Variants in STEAP1B observed in about 807,000 individuals in gnomAD.
STEAP1B encodes the protein STEAP family protein MGC87042.
STEAP1B carries 13 observed loss-of-function variants against 27.9 expected under a neutral mutation model. The ratio of observed to expected loss-of-function variants is 0.47; its 90% CI spans 0.30 to 0.74. The LOEUF (loss-of-function observed/expected upper bound fraction) is 0.74. Among genes scored for constraint, STEAP1B ranks in the 30% least tolerant of loss-of-function variants. The probability of loss-of-function intolerance (pLI) is 0.06; values close to 1 mark genes in which losing one functional copy is unlikely to be tolerated. For synonymous variants in STEAP1B, 86 were observed against 107.1 expected, an observed-to-expected ratio of 0.80 and a Z score of 1.22; for missense variants, 250 against 298.7, an observed-to-expected ratio of 0.84 and a Z score of 1.20.
chr7:22,427,102 A>G (rs1358689002), intron 4 of STEAP1B, among the ~76,000 whole-genome samples: 2 of 152,244 alleles, frequency 1.3e-5, no homozygotes, highest in Non-Finnish European at 2.9e-5. Flanking sequence ...AGGGTCACAG[A>G]GACAGCAGAG....
At chr7:22,497,974 T>C (rs1471280789) in intron 1 of STEAP1B, among the ~76,000 whole-genome samples, 1 of 152,138 alleles carries the variant, frequency 6.6e-6, no homozygotes, top group African/African-American at 2.4e-5. Context: ...GTGAAACTGT[T>C]CCACCTCAGA....
At chr7:22,448,219 T>G (rs532489702) in intron 4 of STEAP1B, among the ~76,000 whole-genome samples, 5 of 152,346 alleles carry the variant, frequency 3.3e-5, no homozygotes, top group African/African-American at 1.2e-4. Context: ...TGCAAAGATG[T>G]AATTATGGCA....
intron 4 of STEAP1B, among the ~76,000 whole-genome samples, chr7:22,431,724 A>G (rs1785190294): frequency 6.6e-6 from 1 of 152,226 alleles, no homozygotes; most frequent in Admixed American, 6.5e-5. Context: ...CAGAGGGTGG[A>G]GAGAAAACTG....
At chr7:22,497,639 A>G (rs192889386) in intron 1 of STEAP1B, among the ~76,000 whole-genome samples, 507 of 152,340 alleles carry the variant, frequency 3.3e-3, no homozygotes, top group African/African-American at 0.012. Context: ...ATGACACTCT[A>G]TCTCCTTAAC....
chr7:22,479,100 A>C (rs1004616749), intron 4 of STEAP1B, among the ~76,000 whole-genome samples: 7 of 152,208 alleles, frequency 4.6e-5, no homozygotes, highest in Non-Finnish European at 7.3e-5. Flanking sequence ...GATTTCAAGA[A>C]AATAAAGACA....
At chr7:22,422,755 A>G (rs1785060271) in intron 4 of STEAP1B, among the ~76,000 whole-genome samples, 1 of 152,154 alleles carries the variant, frequency 6.6e-6, no homozygotes, top group African/African-American at 2.4e-5. Context: ...TCGGCCTCCT[A>G]AATATTTGCG....
intron 4 of STEAP1B, among the ~76,000 whole-genome samples, chr7:22,456,528 A>G (rs1785580475): frequency 6.6e-6 from 1 of 152,182 alleles, no homozygotes; most frequent in South Asian, 2.1e-4. Context: ...ATGTTCCTTG[A>G]ATATCTCAAT....
intron 4 of STEAP1B, among the ~76,000 whole-genome samples, chr7:22,478,820 T>G (rs1786017853): frequency 1.3e-5 from 2 of 152,138 alleles, no homozygotes; most frequent in Non-Finnish European, 2.9e-5. Context: ...TGCTTCTCTT[T>G]GCAGGAGGGA....
rs151014581 is a variant in STEAP1B, at chr7:22,430,988, C to T, written c.763-11152G>A. 6.9e-3 allele frequency among the ~76,000 whole-genome samples: 1,046 copies of T among 152,330 alleles called. 9 individuals are homozygous for T. Among genetic ancestry groups the T allele is most frequent in the African/African-American group, 0.024 (989 of 41,568 alleles). ...TGACATTGCAATTATTCCTATCAAA[C>T]GATAGCTGGTCTCATCCTATGGTTC... On this transcript the variant is annotated intron_variant, in intron 4 of 4. Coordinates refer to ENST00000678116, the MANE Select transcript of STEAP1B (RefSeq NM_001382447.1).
Position 22,439,928 on chromosome 7 carries a change from C to T in STEAP1B, c.763-20092G>A, listed in dbSNP as rs2528846. Among the ~76,000 whole-genome samples, 131 of 151,978 alleles carry T rather than the reference C, an allele frequency of 8.6e-4. 1 individual carries two copies. The highest frequency in any genetic ancestry group is 3.1e-3 in the African/African-American group (128 of 41,466). ...ATAACAATAGAAACTTCAGCTTGGG[C>T]GTACACATTTTCTGTTGCTCATCAG... is the stretch of plus-strand genomic sequence containing the variant. On this transcript the variant is annotated intron_variant, in intron 4 of 4. Transcript: ENST00000678116.
intron 4 of STEAP1B, among the ~76,000 whole-genome samples, chr7:22,469,155 G>T (rs1785837298): frequency 6.6e-6 from 1 of 152,106 alleles, no homozygotes; most frequent in Non-Finnish European, 1.5e-5. Flanking sequence ...TGATATTGAT[G>T]ATCTGGACCC....
At chr7:22,444,089 C>T (rs926878085) in intron 4 of STEAP1B, among the ~76,000 whole-genome samples, 1 of 152,230 alleles carries the variant, frequency 6.6e-6, no homozygotes, top group African/African-American at 2.4e-5. Flanking sequence ...CACAGAGTCA[C>T]GCTCAGGGCT....
At chr7:22,426,510 T>C (rs1785109626) in intron 4 of STEAP1B, among the ~76,000 whole-genome samples, 1 of 152,204 alleles carries the variant, frequency 6.6e-6, no homozygotes, top group African/African-American at 2.4e-5. Context: ...CCACCCCAAC[T>C]TCATAAGTTA....
chr7:22,459,343 G>A (rs181276718), intron 4 of STEAP1B, among the ~76,000 whole-genome samples: 87 of 152,316 alleles, frequency 5.7e-4, no homozygotes, highest in Non-Finnish European at 1.0e-3. Flanking sequence ...TCTGAAAGAC[G>A]AGAAAGCTGT....
At chr7:22,436,635 A>G (rs1785258705) in intron 4 of STEAP1B, among the ~76,000 whole-genome samples, 1 of 152,034 alleles carries the variant, frequency 6.6e-6, no homozygotes, top group South Asian at 2.1e-4. Context: ...TACAAGTGAG[A>G]ACATGTGGTA....
At chr7:22,472,751 C>T (rs1785906431) in intron 4 of STEAP1B, among the ~76,000 whole-genome samples, 1 of 152,160 alleles carries the variant, frequency 6.6e-6, no homozygotes, top group Non-Finnish European at 1.5e-5. Flanking sequence ...CCAGCAGAAA[C>T]ATTTCACACA....
At chr7:22,463,113 G>C (rs1785709327) in intron 4 of STEAP1B, among the ~76,000 whole-genome samples, 1 of 151,984 alleles carries the variant, frequency 6.6e-6, no homozygotes, top group Non-Finnish European at 1.5e-5. Flanking sequence ...AAAGTCTCAG[G>C]ATACAAAATC....
intron 3 of STEAP1B, among the ~76,000 whole-genome samples, chr7:22,493,019 G>C (rs73085150): frequency 0.18 from 28,091 of 152,040 alleles, 2,664 homozygotes; most frequent in Admixed American, 0.24. Flanking sequence ...ACAAGGAGAA[G>C]AACAACAATA....
intron 4 of STEAP1B, among the ~76,000 whole-genome samples, chr7:22,460,044 G>A (rs921872063): frequency 6.6e-6 from 1 of 152,002 alleles, no homozygotes; most frequent in Non-Finnish European, 1.5e-5. Flanking sequence ...CTGTGGTGTC[G>A]CACACCTATA....
Sources: gnomAD v4.1 joint callset for allele counts (sites outside exome capture counted in the v4.1 genomes callset) on GRCh38, gnomAD v4.1.1 for gene constraint, MANE v1.5 for transcripts, NCBI Gene and HGNC (gene_info 2026-07-23, HGNC 2026-07-21) for gene names.